ELF4: variants seen among roughly 807,000 people sequenced by gnomAD.
The protein encoded by ELF4 is E74 like ETS transcription factor 4, also known as ETS-related transcription factor Elf-4.
ELF4 carries 10 observed loss-of-function variants against 31.7 expected under a neutral mutation model. The observed-to-expected ratio is 0.32, with a 90% CI of 0.19 to 0.54. ELF4 has a LOEUF of 0.54. Ranked by LOEUF, ELF4 falls within the 20% of genes least tolerant of loss-of-function variation. The probability of loss-of-function intolerance (pLI) is 0.95; values close to 1 mark genes in which losing one functional copy is unlikely to be tolerated. For missense variants in ELF4, 418 were observed against 522.0 expected, an observed-to-expected ratio of 0.80 and a Z score of 1.94; for synonymous variants, 208 against 226.7, an observed-to-expected ratio of 0.92 and a Z score of 0.74.
intron 2 of ELF4, among the ~76,000 whole-genome samples, chrX:130,079,880 T>C (rs1932870659): frequency 8.9e-6 from 1 of 112,299 alleles, no homozygotes; most frequent in African/African-American, 3.2e-5. Flanking sequence ...CCTTGTCTGA[T>C]GCCTTCCACG....
At position 130,085,902 on chromosome X, in the gene ELF4, C is replaced by T. The variant is rs184809287; in HGVS notation, c.-209-4363G>A. Among the ~76,000 whole-genome samples, 216 of 112,131 alleles carry T rather than the reference C, an allele frequency of 1.9e-3. 1 individual carries two copies. Among genetic ancestry groups the T allele is most frequent in the Non-Finnish European group, 7.0e-4 (37 of 53,196 alleles). ...GACTGAAAAACAGCCCGTCCTCAGG[C>T]GAATAGTCATCAAGCAGGGAACTGC... On this transcript the variant is annotated intron_variant, in intron 1 of 8. Coordinates refer to ENST00000308167, the MANE Select transcript of ELF4 (RefSeq NM_001421.4).
At chrX:130,086,440 C>T (rs1039090258) in intron 1 of ELF4, among the ~76,000 whole-genome samples, 1 of 111,816 alleles carries the variant, frequency 8.9e-6, no homozygotes, top group African/African-American at 3.3e-5. Context: ...TGATCTGTCC[C>T]AGAGGAGGAG....
At chrX:130,083,367 C>T (rs1335214549) in intron 1 of ELF4, among the ~76,000 whole-genome samples, 1 of 106,430 alleles carries the variant, frequency 9.4e-6, no homozygotes. Flanking sequence ...CCCCTGCCCC[C>T]CCAGCCTAAG....
rs1056992859 is a variant in ELF4, at chrX:130,079,406, C to T, written c.75+1850G>A. On this transcript the variant is annotated intron_variant, in intron 2 of 8. Coordinates refer to ENST00000308167, the MANE Select transcript of ELF4 (RefSeq NM_001421.4). ...CCAGGAGGCAGAGGTGGCAGCGAAC[C>T]CAGATTGTGCTACTGTGCTGGAACC... Among the ~76,000 whole-genome samples the T allele has an allele frequency of 6.3e-5, 7 of 110,808 alleles. No individual in the cohort carries two copies. In the East Asian group the frequency reaches 1.7e-3, roughly 27 times the overall value.
At chrX:130,070,507 A>G (rs1466904075) in intron 7 of ELF4, among the ~76,000 whole-genome samples, 13 of 109,071 alleles carry the variant, frequency 1.2e-4, no homozygotes, top group Non-Finnish European at 1.5e-4. Context: ...CCCGGGAGGT[A>G]GAGCTTGCAG....
At position 130,071,392 on chromosome X, in the gene ELF4, G is replaced by A. The variant is rs137884184; in HGVS notation, c.560C>T (p.Thr187Ile). ...RIRKTKGNRS[T>I]SPVTDPSIPI... ...GATGCTGGGGTCAGTGACAGGTGAG[G>A]TACTTCGGTTGCCCTTGGTCTTCCG... The change falls in exon 6 of 9, where the codon ACC becomes ATC. Residue 187 changes from threonine to isoleucine, a missense_variant. Physicochemically the swap from Thr to Ile is moderately conservative, Grantham distance 89 (BLOSUM62 -1). Around this residue, in one of 4 missense-constraint regions of ELF4, gnomAD observed 88 missense variants for 92.4 expected, o/e 0.95. Coordinates refer to ENST00000308167, the MANE Select transcript of ELF4 (RefSeq NM_001421.4). The A allele has an allele frequency of 3.3e-6, 4 of 1,211,891 alleles. No homozygotes were observed. The highest frequency in any genetic ancestry group is 4.5e-6 in the Non-Finnish European group (4 of 895,562).
At chrX:130,083,381 C>T (rs2124623365) in intron 1 of ELF4, among the ~76,000 whole-genome samples, 1 of 106,879 alleles carries the variant, frequency 9.4e-6, no homozygotes, top group East Asian at 3.0e-4. Context: ...GCCTAAGCGC[C>T]CCAAGGCTTG....
intron 2 of ELF4, among the ~76,000 whole-genome samples, chrX:130,077,233 C>T (rs1932842187): frequency 8.9e-6 from 1 of 111,763 alleles, no homozygotes; most frequent in Non-Finnish European, 1.9e-5. Context: ...TCTATAGCCA[C>T]GTGTGACTAG....
chrX:130,089,796 G>A (rs139110316), intron 1 of ELF4, among the ~76,000 whole-genome samples: 3 of 112,346 alleles, frequency 2.7e-5, no homozygotes, highest in African/African-American at 9.7e-5. Flanking sequence ...ATTCAGGGCT[G>A]GCCAATAACA....
At position 130,067,356 on chromosome X, in the gene ELF4, A is replaced by G; in HGVS notation, c.1357T>C (p.Phe453Leu). ...VLQSVPAAST[F>L]KDTFTLQASF... Reference sequence around the variant, plus strand: ...GCCTGCAAAGTGAAGGTGTCCTTGAAAGTAGAGGCCGCTGGAACACTCTGG... The same window carrying G: ...GCCTGCAAAGTGAAGGTGTCCTTGAGAGTAGAGGCCGCTGGAACACTCTGG... Residue 453 changes from phenylalanine (F) to leucine (L), a missense_variant, in exon 9 of 9, where the codon TTC becomes CTC. By Grantham distance (22) the Phe-to-Leu change is conservative. Coordinates refer to ENST00000308167, the MANE Select transcript of ELF4 (RefSeq NM_001421.4). The G allele has an allele frequency of 8.3e-7, 1 of 1,211,785 alleles. No individual in the cohort carries two copies. Among genetic ancestry groups the G allele is most frequent in the South Asian group, 1.8e-5 (1 of 57,025 alleles).
At chrX:130,084,238 C>T (rs958789152) in intron 1 of ELF4, among the ~76,000 whole-genome samples, 2 of 112,243 alleles carry the variant, frequency 1.8e-5, no homozygotes, top group African/African-American at 6.5e-5. Context: ...CAGCTGCCTT[C>T]GTGAGAATGA....
At chrX:130,076,210 G>A (rs906139012) in intron 2 of ELF4, among the ~76,000 whole-genome samples, 2 of 111,301 alleles carry the variant, frequency 1.8e-5, no homozygotes, top group African/African-American at 3.3e-5. Flanking sequence ...CAGTATGACT[G>A]CATGTGTTTT....
chrX:130,104,836 C>T (rs1168018351), intron 1 of ELF4, among the ~76,000 whole-genome samples: 3 of 111,576 alleles, frequency 2.7e-5, no homozygotes, highest in Non-Finnish European at 3.8e-5. Flanking sequence ...GAAGTGCCCA[C>T]ACTGGGCCAA....
At chrX:130,100,674 C>T (rs996046733) in intron 1 of ELF4, among the ~76,000 whole-genome samples, 1 of 111,792 alleles carries the variant, frequency 8.9e-6, no homozygotes, top group Admixed American at 9.6e-5. Context: ...CTTCTCTAAG[C>T]CCCCATGACC....
At chrX:130,089,159 G>T (rs1315778661) in intron 1 of ELF4, among the ~76,000 whole-genome samples, 1 of 110,202 alleles carries the variant, frequency 9.1e-6, no homozygotes, top group Non-Finnish European at 1.9e-5. Flanking sequence ...AAGTCATCGA[G>T]AGCTCCTGGG....
At chrX:130,070,949 G>C in intron 7 of ELF4, 91 bp downstream of exon 7, 1 of 1,122,034 alleles carries the variant, frequency 8.9e-7, no homozygotes, top group East Asian at 3.0e-5. Flanking sequence ...GATCAATCAG[G>C]TCTCCATGAA....
chrX:130,073,382 C>T (rs745549981), intron 4 of ELF4, among the ~76,000 whole-genome samples: 126 of 110,663 alleles, frequency 1.1e-3, no homozygotes, highest in African/African-American at 3.8e-3. Flanking sequence ...CCACCACACC[C>T]GGCCTGGATC....
At chrX:130,097,138 A>C (rs1317765578) in intron 1 of ELF4, among the ~76,000 whole-genome samples, 2 of 106,808 alleles carry the variant, frequency 1.9e-5, no homozygotes, top group African/African-American at 6.8e-5. Context: ...TCTATTAAAA[A>C]AAAAAAAAAA....
In ELF4 at chrX:130,101,778, G is replaced by A. The variant is rs1052090540; in HGVS notation, c.-210+8547C>T. On this transcript the variant is annotated intron_variant, in intron 1 of 8. Transcript: ENST00000308167. ...CACGCCATTGCACTCCAGCCTGGGC[G>A]ACAAGAGGGAAACTCCGTCTCAAAA... Among the ~76,000 whole-genome samples, 53 of 107,429 alleles carry A rather than the reference G, an allele frequency of 4.9e-4. No homozygotes were observed. The South Asian group carries it at 6.0e-3, about 12-fold the overall frequency. The allele number at this position is 107,429 out of a possible 115,157, so 93.3% of individuals were successfully genotyped here.
Sources: allele counts gnomAD v4.1 joint callset (sites outside exome capture counted in the v4.1 genomes callset), GRCh38; gene constraint gnomAD v4.1.1; regional missense constraint gnomAD v4.1.1; transcripts MANE v1.5; gene names NCBI Gene and HGNC (gene_info 2026-07-23, HGNC 2026-07-21).